Variants in CCDC180 observed in about 807,000 individuals in gnomAD.
CCDC180 encodes the protein coiled-coil domain-containing protein 180.
Under a neutral mutation model 209.2 loss-of-function variants are expected in CCDC180, and 154 were observed. The ratio of observed to expected loss-of-function variants is 0.74; its 90% CI spans 0.65 to 0.84. The LOEUF is 0.84. Among genes scored for constraint, CCDC180 ranks in the 40% least tolerant of loss-of-function variants. The probability of loss-of-function intolerance (pLI) is 0.00; values close to 1 mark genes in which losing one functional copy is unlikely to be tolerated. For synonymous variants in CCDC180, 778 were observed against 749.1 expected (o/e 1.04, Z -0.63); for missense variants, 1,874 against 1,997.3 (o/e 0.94, Z 1.18).
chr9:97,333,503 GTTTTTTTTTTTT>G (rs373215367), intron 18 of CCDC180, among the ~76,000 whole-genome samples: 1 of 72,850 alleles, frequency 1.4e-5, no homozygotes, highest in Non-Finnish European at 2.6e-5. Context: ...CTGGGTTTGG[GTTTTTTTTTTTT>G]TTTTTTTTTT....
intron 19 of CCDC180, among the ~76,000 whole-genome samples, chr9:97,346,468 A>G (rs1433213151): frequency 2.0e-5 from 3 of 152,240 alleles, no homozygotes; most frequent in African/African-American, 7.2e-5. Flanking sequence ...GAGAAGCAAC[A>G]TTTGCAACTC....
chr9:97,323,030 C>A, intron 12 of CCDC180, 109 bp downstream of exon 12: 1 of 741,074 alleles, frequency 1.3e-6, no homozygotes, highest in South Asian at 1.6e-5. Flanking sequence ...GTCCCCACTT[C>A]ACACCCACAC....
intron 9 of CCDC180, 113 bp from the exon 10 acceptor site, chr9:97,318,350 T>G (rs1315756364): frequency 4.0e-6 from 5 of 1,258,598 alleles, no homozygotes; most frequent in East Asian, 2.9e-5. Flanking sequence ...GGGGGTGGTG[T>G]TAGGGAAGGA....
Position 97,377,683 on chromosome 9 carries a change from G to T in CCDC180, c.*789G>T, listed in dbSNP as rs1827294628. 2 of 152,204 alleles carry T rather than the reference G, an allele frequency of 1.3e-5. No individual in the cohort carries two copies. Among genetic ancestry groups the T allele is most frequent in the South Asian group, 2.1e-4 (1 of 4,822 alleles). The allele number at this position is 152,204 out of a possible 1,614,324, so 9.4% of individuals were successfully genotyped here. On this transcript the variant is annotated 3_prime_UTR_variant, in exon 37 of 37. Transcript: ENST00000529487. ...CTCCTGGTTTGCTCCACCCAGTGAG[G>T]CCCTGCTTGGTTAGCTTGGTTAGCT...
rs1032089863 is a variant in CCDC180, at chr9:97,375,767, G to C, written c.4842+178G>C. On this transcript the variant is annotated intron_variant, in intron 36 of 36. Coordinates refer to ENST00000529487, the MANE Select transcript of CCDC180 (RefSeq NM_020893.6). The stretch of plus-strand genomic sequence containing the variant: ...CAGGACAGTCACCATTCACAGGCAC[G>C]AGGACATTAATGTGGGTCTGAGGCG... 10 of 717,688 alleles carry C rather than the reference G, an allele frequency of 1.4e-5. No individual in the cohort carries two copies. The Admixed American group carries it at 2.5e-4, about 18-fold the overall frequency. 44.5% of individuals were successfully genotyped at this position (717,688 alleles called of 1,614,324 possible). A position where few individuals can be genotyped will look rare whatever the true frequency, so the allele number is the denominator to read the frequency against.
rs779008351 is a variant in CCDC180, at chr9:97,330,735, C to G, written c.2242C>G (p.Gln748Glu). The change falls in exon 18 of 37, where the codon CAG (glutamine) becomes GAG (glutamate). Residue 748 changes from glutamine to glutamate, a missense_variant. By Grantham distance (29) the Gln-to-Glu change is conservative. Coordinates refer to ENST00000529487, the MANE Select transcript of CCDC180 (RefSeq NM_020893.6). ...GGAAGAGAAGGAGGAGAAGGAGGCACAGGAAGAGCAAGAGAGTTTATCTGT... is the reference window on the plus strand; with the variant it reads ...GGAAGAGAAGGAGGAGAAGGAGGCAGAGGAAGAGCAAGAGAGTTTATCTGT... ...LEEEKEEKEA[Q>E]EEQESLSVGE... 4.3e-5 allele frequency: 69 copies of G among 1,602,566 alleles called. 1 individual carries two copies. The Middle Eastern group carries it at 2.6e-3, about 61-fold the overall frequency.
At chr9:97,337,671 G>C (rs1465220844) in intron 18 of CCDC180, among the ~76,000 whole-genome samples, 2 of 152,136 alleles carry the variant, frequency 1.3e-5, no homozygotes, top group Admixed American at 1.3e-4. Context: ...GATGATGCTG[G>C]CCTCATAAAA....
intron 18 of CCDC180, among the ~76,000 whole-genome samples, chr9:97,336,747 C>T (rs1049098457): frequency 3.0e-4 from 46 of 152,236 alleles, no homozygotes; most frequent in African/African-American, 1.1e-3. Flanking sequence ...TATAAATTAA[C>T]TTGGGCAGTA....
In CCDC180 at chr9:97,328,009, C is replaced by T. The variant is rs74883967; in HGVS notation, c.1662-11C>T. Reference sequence around the variant, plus strand: ...AGCTGGGGTCTCCTGTCTTACCTACCTACCTCCCAGGTATGAATGTTTTCA... The same window carrying T: ...AGCTGGGGTCTCCTGTCTTACCTACTTACCTCCCAGGTATGAATGTTTTCA... On this transcript the variant is annotated splice_polypyrimidine_tract_variant and intron_variant, in intron 15 of 36. Coordinates refer to ENST00000529487, the MANE Select transcript of CCDC180 (RefSeq NM_020893.6). 410 of 1,611,592 alleles carry T rather than the reference C, an allele frequency of 2.5e-4. 1 individual carries two copies. The East Asian group carries it at 8.7e-3, about 34-fold the overall frequency.
At chr9:97,328,555 G>A (rs1825629340) in intron 16 of CCDC180, among the ~76,000 whole-genome samples, 1 of 151,936 alleles carries the variant, frequency 6.6e-6, no homozygotes. Context: ...CACTCTCTCT[G>A]CTTCCCACCT....
intron 18 of CCDC180, 41 bp downstream of exon 18, chr9:97,330,808 T>C: frequency 6.4e-7 from 1 of 1,555,512 alleles, no homozygotes; most frequent in Non-Finnish European, 8.6e-7. Flanking sequence ...TAGAGAAAGT[T>C]TGCTATGCTC....
At chr9:97,308,937 ATAATTTC>A (rs150411674) in intron 2 of CCDC180, among the ~76,000 whole-genome samples, 28,340 of 152,000 alleles carry the variant, frequency 0.19, 3,235 homozygotes, top group Middle Eastern at 0.29. Flanking sequence ...AGTTTTGGTT[ATAATTTC>A]TAATTTCTAA....
At chr9:97,317,338 T>C (rs1164193481) in intron 9 of CCDC180, 110 bp downstream of exon 9, 1 of 1,008,464 alleles carries the variant, frequency 9.9e-7, no homozygotes, top group East Asian at 2.7e-5. Context: ...CTGCTGTTTC[T>C]CTCTGCTCTT....
chr9:97,321,037 C>T (rs927970220), intron 11 of CCDC180, among the ~76,000 whole-genome samples: 3 of 152,100 alleles, frequency 2.0e-5, no homozygotes, highest in African/African-American at 7.2e-5. Flanking sequence ...TGCTGGGCAA[C>T]GGTGACAAGC....
intron 31 of CCDC180, chr9:97,369,319 G>T (rs963788665): frequency 1.3e-5 from 2 of 152,252 alleles, no homozygotes; most frequent in African/African-American, 4.8e-5. Context: ...TAATGGATGA[G>T]AACTTGCCCA....
chr9:97,314,663 C>A lies in CCDC180; in HGVS notation c.634C>A (p.Arg212=), dbSNP rs765412824. The change falls in exon 7 of 37, where the codon CGG becomes AGG. Residue 212 remains arginine (R), a synonymous_variant. Coordinates refer to ENST00000529487, the MANE Select transcript of CCDC180 (RefSeq NM_020893.6). ...TAAGGTGGCCGGGCGGTTACTGCTC[C>A]GGAAGCAGGAGATTAAGGAGCTGGA... ...WDKVAGRLLL[R]KQEIKELDEA... is the part of the protein sequence containing the mutation. 4 of 1,613,922 alleles carry A rather than the reference C, an allele frequency of 2.5e-6. No individual in the cohort carries two copies. The highest frequency in any genetic ancestry group is 3.4e-6 in the Non-Finnish European group (4 of 1,180,014).
At chr9:97,316,149 G>A (rs374838932) in intron 8 of CCDC180, among the ~76,000 whole-genome samples, 2 of 152,128 alleles carry the variant, frequency 1.3e-5, no homozygotes, top group Admixed American at 6.5e-5. Context: ...TCAGTGTCCC[G>A]GATGTGTTTC....
chr9:97,360,216 G>A, intron 26 of CCDC180, 115 bp downstream of exon 26: 1 of 1,261,140 alleles, frequency 7.9e-7, no homozygotes, highest in East Asian at 2.4e-5. Context: ...GGCCTCCGCG[G>A]GACATCAGGC....
chr9:97,320,154 A>G lies in CCDC180; in HGVS notation c.1108A>G (p.Thr370Ala). 1 of 1,614,040 alleles carries G rather than the reference A, an allele frequency of 6.2e-7. No homozygotes were observed. The highest frequency in any genetic ancestry group is 8.5e-7 in the Non-Finnish European group (1 of 1,180,016). The change falls in exon 11 of 37, where the codon ACT becomes GCT. Residue 370 changes from threonine (T) to alanine (A), a missense_variant. Coordinates refer to ENST00000529487, the MANE Select transcript of CCDC180 (RefSeq NM_020893.6). ...CDLLPPSYSK[T>A]QLTEWHSSLN... ...CCTCCTGCCCCCCAGTTACAGCAAAACTCAGCTGACTGAGTGGCATTCTTC... is the reference window on the plus strand; with the variant it reads ...CCTCCTGCCCCCCAGTTACAGCAAAGCTCAGCTGACTGAGTGGCATTCTTC...
Sources: gnomAD v4.1 joint callset for allele counts (sites outside exome capture counted in the v4.1 genomes callset) on GRCh38, gnomAD v4.1.1 for gene constraint, MANE v1.5 for transcripts, NCBI Gene and HGNC (gene_info 2026-07-23, HGNC 2026-07-21) for gene names.